Variants in EPDR1 observed in about 807,000 individuals in gnomAD.
The protein encoded by EPDR1 is ependymin related 1, also known as mammalian ependymin-related protein 1.
In EPDR1, 27 loss-of-function variants were observed where a neutral mutation model predicts 23.7. The ratio of observed to expected loss-of-function variants is 1.14; its 90% CI spans 0.84 to 1.57. The LOEUF is 1.57. EPDR1 is among the 40% of genes most tolerant of loss of function. The pLI is 0.00. For synonymous variants in EPDR1, 137 were observed against 118.2 expected (o/e 1.16, Z -1.03); for missense variants, 349 against 290.4 (o/e 1.20, Z -1.47).
At chr7:37,943,252 C>T (rs143714001) in intron 1 of EPDR1, among the ~76,000 whole-genome samples, 12 of 152,352 alleles carry the variant, frequency 7.9e-5, no homozygotes, top group African/African-American at 2.4e-4. Flanking sequence ...CCAGCGGGGG[C>T]GTTGGTGCCT....
chr7:37,951,573 C>T lies in EPDR1; in HGVS notation c.*1177C>T, dbSNP rs76183780. ...GCAAGTGCCTGGCACATAGTCAGTG[C>T]CCTAAGTATTCGTAGAGTGAAGAAT... On this transcript the variant is annotated 3_prime_UTR_variant, in exon 3 of 3. Transcript: ENST00000199448. 9.7e-3 allele frequency: 1,479 copies of T among 152,322 alleles called. 13 individuals are homozygous for T. Among genetic ancestry groups the T allele is most frequent in the South Asian group, 0.028 (136 of 4,822 alleles). 9.4% of individuals were successfully genotyped at this position (152,322 alleles called of 1,614,324 possible).
rs531462747 is a variant in EPDR1, at chr7:37,950,591, G to A, written c.*195G>A. 174 of 602,694 alleles carry A rather than the reference G, an allele frequency of 2.9e-4. 5 individuals carry two copies. The South Asian group carries it at 3.2e-3, about 11-fold the overall frequency. The allele number at this position is 602,694 out of a possible 1,614,324, so 37.3% of individuals were successfully genotyped here. On this transcript the variant is annotated 3_prime_UTR_variant, in exon 3 of 3. Transcript: ENST00000199448. ...TGTTTACAGAAGAAAATTGAATGGC[G>A]AGGGTGTGGCCATATGAACTGACTA...
intron 1 of EPDR1, among the ~76,000 whole-genome samples, chr7:37,935,390 G>T (rs1054769489): frequency 1.3e-5 from 2 of 152,172 alleles, no homozygotes; most frequent in Non-Finnish European, 2.9e-5. Flanking sequence ...TTGTTTCCCT[G>T]TTAAACGTTA....
At chr7:37,932,604 A>G (rs1215558004) in intron 1 of EPDR1, among the ~76,000 whole-genome samples, 2 of 152,206 alleles carry the variant, frequency 1.3e-5, no homozygotes, top group East Asian at 3.8e-4. Context: ...TTATATTTCA[A>G]CATGGTGGGA....
chr7:37,921,390 T>G, intron 1 of EPDR1, 182 bp downstream of exon 1: 2 of 1,387,012 alleles, frequency 1.4e-6, no homozygotes, highest in Non-Finnish European at 1.9e-6. Flanking sequence ...GGAGGGGCGC[T>G]GCGCCCACCG....
Position 37,950,320 on chromosome 7 carries a change from A to T in EPDR1, c.599A>T (p.Asp200Val), listed in dbSNP as rs1414090110. 4 of 1,613,622 alleles carry T rather than the reference A, an allele frequency of 2.5e-6. No homozygotes were observed. Among genetic ancestry groups the T allele is most frequent in the Admixed American group, 1.7e-5 (1 of 59,974 alleles). ...RFFDIQLGIKDPSVFTPPSTC... is the reference protein window; with the variant it reads ...RFFDIQLGIKVPSVFTPPSTC... ...TTTGACATCCAGCTGGGTATTAAAG[A>T]CCCCTCGGTGTTTACCCCTCCAAGC... Residue 200 changes from aspartate (D) to valine (V), a missense_variant, in exon 3 of 3, where the codon GAC (aspartate) becomes GTC (valine). Asp to Val is a radical substitution (Grantham distance 152). Coordinates refer to ENST00000199448, the MANE Select transcript of EPDR1 (RefSeq NM_017549.5).
chr7:37,948,342 A>ATTTT (rs56967310), intron 1 of EPDR1, among the ~76,000 whole-genome samples: 1 of 135,608 alleles, frequency 7.4e-6, no homozygotes, highest in Non-Finnish European at 1.6e-5. Flanking sequence ...TTTGACCTCA[A>ATTTT]TTTTTTTTTT....
In EPDR1 at chr7:37,920,776, G is replaced by A; in HGVS notation, c.-164G>A. 1 of 1,609,890 alleles carries A rather than the reference G, an allele frequency of 6.2e-7. No homozygotes were observed. Among genetic ancestry groups the A allele is most frequent in the Non-Finnish European group, 8.5e-7 (1 of 1,177,870 alleles). ...CCGGCTACCGGGACTCGCGCGTCCGGATCTCAAAAGCGGCAGAGGCCACCG... is the reference window on the plus strand; with the variant it reads ...CCGGCTACCGGGACTCGCGCGTCCGAATCTCAAAAGCGGCAGAGGCCACCG... On this transcript the variant is annotated 5_prime_UTR_variant, in exon 1 of 3. Coordinates refer to ENST00000199448, the MANE Select transcript of EPDR1 (RefSeq NM_017549.5).
rs73693212 is a variant in EPDR1 at position 37,935,338 on chromosome 7, G to A, written c.270-13502G>A. ...CACCTGGATGAATTAGCCCTTCTTT[G>A]TTACGTAGTAGAGCAATTCATATGT... On this transcript the variant is annotated intron_variant, in intron 1 of 2. Transcript: ENST00000199448. Among the ~76,000 whole-genome samples the A allele has an allele frequency of 3.0e-3, 453 of 152,252 alleles. 1 individual carries two copies. The highest frequency in any genetic ancestry group is 0.011 in the African/African-American group (440 of 41,544).
At chr7:37,949,492 A>G (rs1433742371) in intron 2 of EPDR1, among the ~76,000 whole-genome samples, 3 of 152,156 alleles carry the variant, frequency 2.0e-5, no homozygotes, top group Non-Finnish European at 2.9e-5. Context: ...CTGCTGATAT[A>G]CGCCTATCCC....
At chr7:37,943,357 G>A (rs1041408903) in intron 1 of EPDR1, among the ~76,000 whole-genome samples, 2 of 152,144 alleles carry the variant, frequency 1.3e-5, no homozygotes, top group African/African-American at 2.4e-5. Flanking sequence ...TTGGGTCCAC[G>A]GGTTATTCCC....
chr7:37,946,200 C>T (rs1311040078), intron 1 of EPDR1, among the ~76,000 whole-genome samples: 1 of 152,172 alleles, frequency 6.6e-6, no homozygotes. Context: ...CACAGGTATG[C>T]ATGTATCTTT....
intron 1 of EPDR1, among the ~76,000 whole-genome samples, chr7:37,936,493 A>C (rs1002907024): frequency 6.6e-6 from 1 of 152,136 alleles, no homozygotes; most frequent in African/African-American, 2.4e-5. Context: ...AGACAAAGTA[A>C]TTAGTGGTAA....
chr7:37,924,395 G>T (rs145409527), intron 1 of EPDR1, among the ~76,000 whole-genome samples: 1 of 152,210 alleles, frequency 6.6e-6, no homozygotes, highest in Non-Finnish European at 1.5e-5. Flanking sequence ...GTGGTTCTGT[G>T]CTACCCCAAC....
At chr7:37,947,499 G>T (rs1245582186) in intron 1 of EPDR1, among the ~76,000 whole-genome samples, 2 of 152,158 alleles carry the variant, frequency 1.3e-5, no homozygotes, top group African/African-American at 2.4e-5. Context: ...TTTTTCCGAA[G>T]AAAATAGTTT....
In EPDR1 at chr7:37,921,059, C is replaced by T. The variant is rs902374878; in HGVS notation, c.120C>T (p.Arg40=). 1.1e-5 allele frequency: 17 copies of T among 1,550,758 alleles called. No individual in the cohort carries two copies. The highest frequency in any genetic ancestry group is 7.4e-5 in the Admixed American group (4 of 53,884). Residue 40 remains arginine, a synonymous_variant, in exon 1 of 3, where the codon CGC becomes CGT. Transcript: ENST00000199448. ...LCSLGAVGAP[R]PCQAPQQWEG... is the part of the protein sequence containing the mutation. ...GCCTGGGGGCGGTGGGAGCCCCGCGCCCGTGCCAGGCGCCGCAGCAGTGGG... is the reference window on the plus strand; with the variant it reads ...GCCTGGGGGCGGTGGGAGCCCCGCGTCCGTGCCAGGCGCCGCAGCAGTGGG...
At chr7:37,942,707 T>C (rs1786191937) in intron 1 of EPDR1, among the ~76,000 whole-genome samples, 1 of 152,216 alleles carries the variant, frequency 6.6e-6, no homozygotes, top group Non-Finnish European at 1.5e-5. Context: ...AAATTAGAGT[T>C]TCTTGGCAAT....
At chr7:37,942,218 G>A (rs1786183280) in intron 1 of EPDR1, among the ~76,000 whole-genome samples, 1 of 152,136 alleles carries the variant, frequency 6.6e-6, no homozygotes, top group South Asian at 2.1e-4. Context: ...AAACACCTAG[G>A]AATCCATCAG....
At chr7:37,933,185 G>A (rs1040040552) in intron 1 of EPDR1, among the ~76,000 whole-genome samples, 10 of 152,294 alleles carry the variant, frequency 6.6e-5, no homozygotes, top group Middle Eastern at 6.8e-3. Context: ...AAGTGGCCGC[G>A]GCTCAATTCT....
Sources: allele counts gnomAD v4.1 joint callset (sites outside exome capture counted in the v4.1 genomes callset), GRCh38; gene constraint gnomAD v4.1.1; transcripts MANE v1.5; gene names NCBI Gene and HGNC (gene_info 2026-07-23, HGNC 2026-07-21).